MGAT4C: variants seen among roughly 807,000 people sequenced by gnomAD.
The protein encoded by MGAT4C is MGAT4 family member C, also known as alpha-1,3-mannosyl-glycoprotein 4-beta-N-acetylglucosaminyltransferase C.
In MGAT4C, 19 loss-of-function variants were observed where a neutral mutation model predicts 40.1. The ratio of observed to expected loss-of-function variants is 0.47; its 90% CI spans 0.33 to 0.70. The LOEUF (loss-of-function observed/expected upper bound fraction) is 0.70. Ranked by LOEUF, MGAT4C falls within the 30% of genes least tolerant of loss-of-function variation. The pLI is 0.02. For missense variants in MGAT4C, 491 were observed against 563.2 expected, an observed-to-expected ratio of 0.87 and a Z score of 1.30; for synonymous variants, 181 against 187.1, an observed-to-expected ratio of 0.97 and a Z score of 0.27.
intron 2 of MGAT4C, among the ~76,000 whole-genome samples, chr12:86,007,991 T>C (rs536014921): frequency 1.3e-5 from 2 of 151,570 alleles, no homozygotes; most frequent in South Asian, 2.1e-4. Flanking sequence ...TGTGTGGTTA[T>C]ATGTTTGAAA....
chr12:86,341,223 TA>T (rs937043243), intron 3 of MGAT4C, among the ~76,000 whole-genome samples: 1 of 152,024 alleles, frequency 6.6e-6, no homozygotes, highest in Non-Finnish European at 1.5e-5. Context: ...AGGGAAGCCA[TA>T]AATGAATGAG....
In MGAT4C at chr12:85,959,929, G is replaced by GT. The variant is rs557040550; in HGVS notation, c.*19359dup. 1.3e-5 allele frequency: 2 copies of GT among 151,856 alleles called. No individual in the cohort carries two copies. The highest frequency in any genetic ancestry group is 1.9e-4 in the East Asian group (1 of 5,160). The allele number at this position is 151,856 out of a possible 1,614,324, so 9.4% of individuals were successfully genotyped here. A position where few individuals can be genotyped will look rare whatever the true frequency, so the allele number is the denominator to read the frequency against. ...TCTAAACTTATTTAGATCAAGGTCA[G>GT]TTTTTTTACTCCTCTGTAGAACTGT... On this transcript the variant is annotated 3_prime_UTR_variant, in exon 5 of 5. Transcript: ENST00000611864.
chr12:86,655,440 T>C (rs1036007442), intron 2 of MGAT4C, among the ~76,000 whole-genome samples: 5 of 152,080 alleles, frequency 3.3e-5, no homozygotes, highest in Admixed American at 2.0e-4. Context: ...CTTCTAATTT[T>C]CTCCCTCATC....
At chr12:86,314,496 T>C (rs1429471844) in intron 4 of MGAT4C, among the ~76,000 whole-genome samples, 4 of 152,116 alleles carry the variant, frequency 2.6e-5, no homozygotes, top group Non-Finnish European at 4.4e-5. Context: ...GGAAAAGAAG[T>C]CAAACTATCT....
intron 1 of MGAT4C, among the ~76,000 whole-genome samples, chr12:86,764,949 A>G (rs1220415190): frequency 6.6e-6 from 1 of 152,202 alleles, no homozygotes; most frequent in Admixed American, 6.5e-5. Context: ...AACTCTAAAA[A>G]GCAGAGCGCC....
At chr12:86,237,801 TGTAATTAACTG>T (rs1267746565) in intron 1 of MGAT4C, among the ~76,000 whole-genome samples, 2 of 151,914 alleles carry the variant, frequency 1.3e-5, no homozygotes, top group Non-Finnish European at 2.9e-5. Flanking sequence ...AGTGACACAG[TGTAATTAACTG>T]TAACAGTTAA....
At chr12:86,500,212 C>G (rs1403133039) in intron 2 of MGAT4C, among the ~76,000 whole-genome samples, 2 of 151,342 alleles carry the variant, frequency 1.3e-5, no homozygotes, top group Non-Finnish European at 2.9e-5. Flanking sequence ...TGTATTTATA[C>G]ACACACACAT....
intron 2 of MGAT4C, among the ~76,000 whole-genome samples, chr12:86,491,496 CA>C (rs1230007845): frequency 6.6e-6 from 1 of 151,856 alleles, no homozygotes; most frequent in African/African-American, 2.4e-5. Context: ...TCAATATACG[CA>C]AATCAATAAA....
chr12:86,837,126 C>A (rs1187267614), intron 1 of MGAT4C, among the ~76,000 whole-genome samples: 1 of 151,984 alleles, frequency 6.6e-6, no homozygotes, highest in African/African-American at 2.4e-5. Context: ...AGACTGGGAG[C>A]AATCTCACTT....
intron 1 of MGAT4C, among the ~76,000 whole-genome samples, chr12:86,799,838 G>T (rs1459819939): frequency 6.6e-6 from 1 of 151,838 alleles, no homozygotes; most frequent in Non-Finnish European, 1.5e-5. Flanking sequence ...ATTGCCTGTA[G>T]ATAGTGACAT....
At position 85,965,432 on chromosome 12, in the gene MGAT4C, C is replaced by T. The variant is rs574781784; in HGVS notation, c.*13857G>A. ...CTAACAAGGTGAAACCCCGTCTCTA[C>T]TAAAAATACAAAAAATTAGCCGGGC... On this transcript the variant is annotated 3_prime_UTR_variant, in exon 5 of 5. Coordinates refer to ENST00000611864, the MANE Select transcript of MGAT4C (RefSeq NM_001351288.2). The T allele has an allele frequency of 1.6e-4, 25 of 151,876 alleles. No homozygotes were observed. Among genetic ancestry groups the T allele is most frequent in the African/African-American group, 6.0e-4 (25 of 41,390 alleles). 9.4% of individuals were successfully genotyped at this position (151,876 alleles called of 1,614,324 possible).
chr12:86,555,587 C>T (rs935470696), intron 2 of MGAT4C, among the ~76,000 whole-genome samples: 2 of 152,088 alleles, frequency 1.3e-5, no homozygotes, highest in African/African-American at 2.4e-5. Flanking sequence ...ATCCAGGGCT[C>T]GTGGCTCTGG....
At chr12:86,370,759 A>G (rs1955698753) in intron 3 of MGAT4C, among the ~76,000 whole-genome samples, 2 of 152,024 alleles carry the variant, frequency 1.3e-5, no homozygotes, top group Non-Finnish European at 1.5e-5. Context: ...CCAAAAGTTC[A>G]ATATGTATGC....
In MGAT4C at chr12:85,973,228, ATAAAT is replaced by A. The variant is rs1883717900; in HGVS notation, c.*6056_*6060del. ...TCTCTTCCAGAACTTCGAGTGCACT[ATAAAT>A]TAAATATTTAAAATATTTTTGCAAT... On this transcript the variant is annotated 3_prime_UTR_variant, in exon 5 of 5. Coordinates refer to ENST00000611864, the MANE Select transcript of MGAT4C (RefSeq NM_001351288.2). 1 of 150,890 alleles carries A rather than the reference ATAAAT, an allele frequency of 6.6e-6. No individual in the cohort carries two copies. The allele number at this position is 150,890 out of a possible 1,614,324, so 9.3% of individuals were successfully genotyped here. A position where few individuals can be genotyped will look rare whatever the true frequency, so the allele number is the denominator to read the frequency against.
At chr12:86,602,643 G>A (rs1488748239) in intron 2 of MGAT4C, among the ~76,000 whole-genome samples, 1 of 152,138 alleles carries the variant, frequency 6.6e-6, no homozygotes, top group Non-Finnish European at 1.5e-5. Context: ...TTTAAACTCT[G>A]CAGGAATTAC....
chr12:86,289,648 T>A (rs1460947462), intron 4 of MGAT4C, among the ~76,000 whole-genome samples: 1 of 152,214 alleles, frequency 6.6e-6, no homozygotes, highest in Non-Finnish European at 1.5e-5. Flanking sequence ...TTCCTAGGTA[T>A]TTTATTCCTT....
intron 1 of MGAT4C, among the ~76,000 whole-genome samples, chr12:86,795,401 C>T (rs967602693): frequency 6.6e-6 from 1 of 151,880 alleles, no homozygotes; most frequent in African/African-American, 2.4e-5. Flanking sequence ...TTGCCATTCC[C>T]AAATACCTGA....
chr12:86,319,340 G>A (rs1325956679), intron 4 of MGAT4C, among the ~76,000 whole-genome samples: 2 of 152,122 alleles, frequency 1.3e-5, no homozygotes, highest in Non-Finnish European at 2.9e-5. Flanking sequence ...TTCTTTAGAT[G>A]TACTGATACC....
chr12:86,789,812 A>G (rs1453222798), intron 1 of MGAT4C, among the ~76,000 whole-genome samples: 1 of 152,176 alleles, frequency 6.6e-6, no homozygotes, highest in African/African-American at 2.4e-5. Context: ...TGAATAGATT[A>G]ACTTATAACT....
Sources: allele counts gnomAD v4.1 joint callset (sites outside exome capture counted in the v4.1 genomes callset), GRCh38; gene constraint gnomAD v4.1.1; transcripts MANE v1.5; gene names NCBI Gene and HGNC (gene_info 2026-07-23, HGNC 2026-07-21).